The following RBBP4 variants were observed in gnomAD, a reference collection of about 807,000 sequenced individuals.
The protein encoded by RBBP4 is histone-binding protein RBBP4.
A neutral mutation model predicts 57.2 loss-of-function variants in RBBP4; 3 were observed. The ratio of observed to expected loss-of-function variants is 0.05; its 90% CI spans 0.02 to 0.14. RBBP4 has a LOEUF of 0.14. Among genes scored for constraint, RBBP4 ranks in the 10% least tolerant of loss-of-function variants. The pLI is 1.00. For synonymous variants in RBBP4, 151 were observed against 171.5 expected (o/e 0.88, Z 0.93); for missense variants, 107 against 520.6 (o/e 0.21, Z 7.73).
At chr1:32,663,911 T>C (rs1429718092) in intron 3 of RBBP4, among the ~76,000 whole-genome samples, 1 of 132,240 alleles carries the variant, frequency 7.6e-6, no homozygotes, top group Non-Finnish European at 1.6e-5. Context: ...TCCATTTCTT[T>C]TTTTAACCTG....
At chr1:32,667,012 C>T (rs1307388544) in intron 3 of RBBP4, among the ~76,000 whole-genome samples, 1 of 152,176 alleles carries the variant, frequency 6.6e-6, no homozygotes, top group Admixed American at 6.5e-5. Flanking sequence ...CCTTGGCAAG[C>T]GGTAACACCA....
intron 8 of RBBP4, among the ~76,000 whole-genome samples, chr1:32,671,000 TCTTC>T (rs1305538941): frequency 6.6e-6 from 1 of 152,200 alleles, no homozygotes; most frequent in Non-Finnish European, 1.5e-5. Context: ...GAATCCAAAT[TCTTC>T]CTTAATTGCT....
intron 11 of RBBP4, among the ~76,000 whole-genome samples, chr1:32,675,826 C>A (rs1402561560): frequency 6.6e-6 from 1 of 152,058 alleles, no homozygotes; most frequent in Non-Finnish European, 1.5e-5. Context: ...CTCAGTGGCT[C>A]ACACCTGTAA....
chr1:32,652,135 G>A, intron 2 of RBBP4, 74 bp downstream of exon 2: 4 of 1,494,454 alleles, frequency 2.7e-6, no homozygotes, highest in Non-Finnish European at 2.7e-6. Flanking sequence ...TCTTTTTTCC[G>A]CTCTTCAGTC....
intron 2 of RBBP4, 175 bp downstream of exon 2, chr1:32,652,236 C>G: frequency 1.4e-6 from 1 of 718,076 alleles, no homozygotes; most frequent in Non-Finnish European, 2.2e-6. Context: ...TTGTAACTTA[C>G]CTGACAAGAG....
chr1:32,678,469 C>T (rs1085458), intron 11 of RBBP4, among the ~76,000 whole-genome samples: 21 of 151,978 alleles, frequency 1.4e-4, no homozygotes, highest in African/African-American at 4.6e-4. Context: ...TCAGGTGATA[C>T]GCCTGCCTTG....
At chr1:32,659,166 C>T (rs1377384054) in intron 3 of RBBP4, among the ~76,000 whole-genome samples, 1 of 147,694 alleles carries the variant, frequency 6.8e-6, no homozygotes, top group African/African-American at 2.5e-5. Context: ...TGTAATTTTA[C>T]ACACACACAA....
In RBBP4 at chr1:32,682,392, TG is replaced by T; in HGVS notation, c.*2690del. On this transcript the variant is annotated 3_prime_UTR_variant, in exon 12 of 12. Transcript: ENST00000373493. ...CCAAGATCGTGCCACTACTCCAGCC[TG>T]GGCAAAATAGCAAGACCCGACCCCC... is the stretch of plus-strand genomic sequence containing the variant. 6.6e-6 allele frequency: 1 copy of T among 151,846 alleles called. No individual in the cohort carries two copies. Among genetic ancestry groups the T allele is most frequent in the Non-Finnish European group, 1.5e-5 (1 of 68,026 alleles). 9.4% of individuals were successfully genotyped at this position (151,846 alleles called of 1,614,324 possible).
chr1:32,665,678 T>TAAAA (rs57130788), intron 3 of RBBP4, among the ~76,000 whole-genome samples: 1 of 136,574 alleles, frequency 7.3e-6, no homozygotes, highest in African/African-American at 2.7e-5. Context: ...ACCCTGTCTT[T>TAAAA]AAAAAAAAAA....
chr1:32,654,054 GTT>G (rs1303255865), intron 2 of RBBP4, among the ~76,000 whole-genome samples: 1 of 152,022 alleles, frequency 6.6e-6, no homozygotes, highest in African/African-American at 2.4e-5. Flanking sequence ...TCTGTCAAGA[GTT>G]TTCAGTGGTA....
chr1:32,672,599 G>A, intron 9 of RBBP4, 43 bp from the exon 10 acceptor site: 1 of 1,604,480 alleles, frequency 6.2e-7, no homozygotes, highest in Non-Finnish European at 8.5e-7. Context: ...TAGTTACTAA[G>A]GGTAAATCTG....
chr1:32,669,434 A>ATT lies in RBBP4; in HGVS notation c.889-43_889-42dup. On this transcript the variant is annotated intron_variant, in intron 7 of 11. Coordinates refer to ENST00000373493, the MANE Select transcript of RBBP4 (RefSeq NM_005610.3). The surrounding 1 kb of genome is among the most constrained non-coding windows in gnomAD (Gnocchi z 4.9). ...ATTGCAGAGATATTTTACTTACAGT[A>ATT]TTTTTTTTTTCTTAAAAAATTGATT... 2 of 1,490,128 alleles carry ATT rather than the reference A, an allele frequency of 1.3e-6. No homozygotes were observed. Among genetic ancestry groups the ATT allele is most frequent in the South Asian group, 1.3e-5 (1 of 76,730 alleles). The allele number at this position is 1,490,128 out of a possible 1,614,324, so 92.3% of individuals were successfully genotyped here. A position where few individuals can be genotyped will look rare whatever the true frequency, so the allele number is the denominator to read the frequency against.
In RBBP4 at chr1:32,669,751, A is replaced by G. The variant is rs1338364253; in HGVS notation, c.966+188A>G. Among the ~76,000 whole-genome samples, 3 of 152,114 alleles carry G rather than the reference A, an allele frequency of 2.0e-5. No individual in the cohort carries two copies. The highest frequency in any genetic ancestry group is 6.6e-5 in the Admixed American group (1 of 15,254). On this transcript the variant is annotated intron_variant, in intron 8 of 11. Coordinates refer to ENST00000373493, the MANE Select transcript of RBBP4 (RefSeq NM_005610.3). This position sits in a 1 kb window ranked among gnomAD's most constrained non-coding sequence, Gnocchi z 4.9. ...TAAAAATATAAAAAATTAGCCGGGC[A>G]TGGTGGCGGATGCCCGTAGTCCCAG... is the stretch of plus-strand genomic sequence containing the variant.
rs1484813456 is a variant in RBBP4, at chr1:32,684,120, T to A, written c.*4415T>A. On this transcript the variant is annotated 3_prime_UTR_variant, in exon 12 of 12. Transcript: ENST00000373493. ...AAAAGAGAGAGCCATTTTCCATGTG[T>A]TTTTGGATAAGCACAATTTGAAAAT... 1 of 1,610,498 alleles carries A rather than the reference T, an allele frequency of 6.2e-7. No homozygotes were observed. Among genetic ancestry groups the A allele is most frequent in the Admixed American group, 1.7e-5 (1 of 59,292 alleles).
At chr1:32,660,211 GT>G (rs1648340148) in intron 3 of RBBP4, among the ~76,000 whole-genome samples, 1 of 152,046 alleles carries the variant, frequency 6.6e-6, no homozygotes, top group South Asian at 2.1e-4. Context: ...TCATTTTCTT[GT>G]TTAACTTAAA....
chr1:32,670,248 CACTT>C (rs1327040148), intron 8 of RBBP4, among the ~76,000 whole-genome samples: 1 of 152,202 alleles, frequency 6.6e-6, no homozygotes, highest in Non-Finnish European at 1.5e-5. Flanking sequence ...TTGTTTCTGA[CACTT>C]AGTGATCTCT....
chr1:32,673,372 A>G (rs1373306724), intron 11 of RBBP4: 5 of 368,774 alleles, frequency 1.4e-5, no homozygotes, highest in Non-Finnish European at 2.6e-5. Context: ...TCTCCATGAA[A>G]GCTGTCTAGA....
In RBBP4 at chr1:32,665,079, GA is replaced by G. The variant is rs887454281; in HGVS notation, c.311-3139del. Among the ~76,000 whole-genome samples, 5 of 151,460 alleles carry G rather than the reference GA, an allele frequency of 3.3e-5. No homozygotes were observed. The Admixed American group carries it at 3.3e-4, about 10-fold the overall frequency. ...AGGGTTGCTGTAACCTTCAATTGGGGAAAAAAACTTATGTGTGACGCACAAT... is the reference window on the plus strand; with the variant it reads ...AGGGTTGCTGTAACCTTCAATTGGGGAAAAAACTTATGTGTGACGCACAAT... On this transcript the variant is annotated intron_variant, in intron 3 of 11. Transcript: ENST00000373493.
chr1:32,665,391 C>T (rs1301206626), intron 3 of RBBP4, among the ~76,000 whole-genome samples: 1 of 152,046 alleles, frequency 6.6e-6, no homozygotes. Context: ...CAAAGAATAA[C>T]ACTAGGCCCG....
Sources: allele counts gnomAD v4.1 joint callset (sites outside exome capture counted in the v4.1 genomes callset), GRCh38; gene constraint gnomAD v4.1.1; non-coding constraint Gnocchi (gnomAD v3.1); transcripts MANE v1.5; gene names NCBI Gene and HGNC (gene_info 2026-07-23, HGNC 2026-07-21).